ENTREP2: variants seen among roughly 807,000 people sequenced by gnomAD.
The protein encoded by ENTREP2 is endosomal transmembrane epsin interactor 2.
the ENTREP2 span, among the ~76,000 whole-genome samples, chr15:29,389,453 C>T: frequency 2.5e-4 from 38 of 152,148 alleles, 1 homozygote; most frequent in Admixed American, 2.0e-3. Context: ...TGACACAGCT[C>T]CCAACACCAA....
the ENTREP2 span, among the ~76,000 whole-genome samples, chr15:29,367,080 T>C: frequency 6.6e-6 from 1 of 152,198 alleles, no homozygotes; most frequent in African/African-American, 2.4e-5. Flanking sequence ...TGCTCATAAC[T>C]CTGGAAATTA....
chr15:29,364,244 T>C, the ENTREP2 span, among the ~76,000 whole-genome samples: 2 of 152,116 alleles, frequency 1.3e-5, no homozygotes, highest in East Asian at 3.9e-4. Flanking sequence ...AAAGAGGTTT[T>C]TTTGGTTATA....
the ENTREP2 span, among the ~76,000 whole-genome samples, chr15:29,584,238 C>T: frequency 6.6e-6 from 1 of 152,092 alleles, no homozygotes; most frequent in Admixed American, 6.6e-5. Context: ...AAATAAACAA[C>T]CCAATTAAAA....
the ENTREP2 span, among the ~76,000 whole-genome samples, chr15:29,322,729 T>G: frequency 6.6e-6 from 1 of 152,220 alleles, no homozygotes; most frequent in African/African-American, 2.4e-5. Context: ...TCTCCTCCTT[T>G]TCACGTGCAA....
the ENTREP2 span, among the ~76,000 whole-genome samples, chr15:29,598,670 G>A: frequency 2.0e-5 from 3 of 150,800 alleles, no homozygotes; most frequent in Non-Finnish European, 4.4e-5. Flanking sequence ...CATTGTTGAA[G>A]TGACCTAAAA....
the ENTREP2 span, among the ~76,000 whole-genome samples, chr15:29,469,285 C>T: frequency 1.3e-5 from 2 of 152,168 alleles, no homozygotes; most frequent in South Asian, 2.1e-4. Context: ...CTGCAAGCTC[C>T]GCCTCTTGGG....
the ENTREP2 span, among the ~76,000 whole-genome samples, chr15:29,487,658 A>G: frequency 3.9e-5 from 6 of 152,226 alleles, no homozygotes; most frequent in Non-Finnish European, 8.8e-5. Context: ...TCTGATCTCC[A>G]GAGTTACCTC....
chr15:29,133,565 C>T, the ENTREP2 span, among the ~76,000 whole-genome samples: 418 of 152,316 alleles, frequency 2.7e-3, 2 homozygotes, highest in Admixed American at 5.9e-3. Flanking sequence ...CTCCATGGTG[C>T]GCCACGTGGC....
chr15:29,343,044 C>T, the ENTREP2 span, among the ~76,000 whole-genome samples: 17 of 134,968 alleles, frequency 1.3e-4, no homozygotes, highest in African/African-American at 2.8e-4. Context: ...GGTGGTTCTT[C>T]GGTCCAGATT....
chr15:29,233,875 A>G, the ENTREP2 span: 1 of 1,578,564 alleles, frequency 6.3e-7, no homozygotes, highest in Non-Finnish European at 8.7e-7. Flanking sequence ...ATGTCAAATG[A>G]GCCTGAGCTG....
the ENTREP2 span, among the ~76,000 whole-genome samples, chr15:29,137,687 T>C: frequency 1.3e-5 from 2 of 151,954 alleles, no homozygotes; most frequent in Admixed American, 6.6e-5. Context: ...ATACAAAAAA[T>C]TAGCTGGGCG....
chr15:29,291,986 A>G, the ENTREP2 span, among the ~76,000 whole-genome samples: 28 of 152,076 alleles, frequency 1.8e-4, no homozygotes, highest in African/African-American at 6.3e-4. Flanking sequence ...CCACCACCCA[A>G]TGTTTGCCAA....
chr15:29,422,448 A>T, the ENTREP2 span, among the ~76,000 whole-genome samples: 12 of 152,278 alleles, frequency 7.9e-5, no homozygotes, highest in Admixed American at 7.8e-4. Flanking sequence ...AGCAGAAAGA[A>T]AGGTTAAATT....
the ENTREP2 span, among the ~76,000 whole-genome samples, chr15:29,431,608 TATTTTTAGATCTAAGCAATGGTAAACTC>T: frequency 6.6e-6 from 1 of 152,222 alleles, no homozygotes; most frequent in African/African-American, 2.4e-5. Context: ...TTCTTAAAAT[TATTTTTAGATCTAAGCAATGGTAAACTC>T]ATTAGTCTGT....
chr15:29,494,357 T>G, the ENTREP2 span, among the ~76,000 whole-genome samples: 3 of 152,268 alleles, frequency 2.0e-5, no homozygotes, highest in East Asian at 5.8e-4. Flanking sequence ...TACGTTAAAA[T>G]GTATTCAACT....
the ENTREP2 span, among the ~76,000 whole-genome samples, chr15:29,422,634 G>A: frequency 2.6e-5 from 4 of 152,320 alleles, no homozygotes; most frequent in South Asian, 8.3e-4. Flanking sequence ...GCTATGCAAG[G>A]TAACCCTACC....
the ENTREP2 span, among the ~76,000 whole-genome samples, chr15:29,406,410 T>C: frequency 0.76 from 115,056 of 151,982 alleles, 44,717 homozygotes; most frequent in African/African-American, 0.93. Context: ...TAGTCAAGCA[T>C]CATAGCAGGT....
At chr15:29,608,550 T>TTATTATTA in the ENTREP2 span, among the ~76,000 whole-genome samples, 12 of 76,746 alleles carry the variant, frequency 1.6e-4, no homozygotes, top group East Asian at 5.2e-4. Flanking sequence ...ATTATTATTA[T>TTATTATTA]TTATTTATTA....
the ENTREP2 span, among the ~76,000 whole-genome samples, chr15:29,516,144 T>C: frequency 2.0e-5 from 3 of 152,044 alleles, no homozygotes; most frequent in Admixed American, 6.6e-5. Flanking sequence ...TTAAATCAGA[T>C]TGCACTTAGG....
Sources: allele counts gnomAD v4.1 joint callset (sites outside exome capture counted in the v4.1 genomes callset), GRCh38; gene constraint gnomAD v4.1.1; transcripts MANE v1.5; gene names NCBI Gene and HGNC (gene_info 2026-07-23, HGNC 2026-07-21).